Variants in VTI1A observed in about 807,000 individuals in gnomAD.
The protein encoded by VTI1A is vesicle transport through interaction with t-SNAREs homolog 1A.
A neutral mutation model predicts 34.9 loss-of-function variants in VTI1A; 22 were observed. The observed-to-expected ratio is 0.63, with a 90% CI of 0.45 to 0.90. VTI1A has a LOEUF of 0.90. VTI1A is among the 40% of genes least tolerant of loss of function. The pLI, the probability that VTI1A is intolerant of heterozygous loss-of-function variation, is 0.00. For missense variants in VTI1A, 268 were observed against 275.6 expected (o/e 0.97, Z 0.20); for synonymous variants, 87 against 97.3 (o/e 0.89, Z 0.62).
chr10:112,704,979 C>T (rs928757352), intron 7 of VTI1A, among the ~76,000 whole-genome samples: 1 of 152,096 alleles, frequency 6.6e-6, no homozygotes, highest in Non-Finnish European at 1.5e-5. Flanking sequence ...GCCTGCAATT[C>T]CTGGGCTCAA....
At chr10:112,538,096 A>G (rs1402507601) in intron 4 of VTI1A, 150 bp from the exon 5 acceptor site, 6 of 634,724 alleles carry the variant, frequency 9.5e-6, no homozygotes, top group Non-Finnish European at 1.4e-5. Context: ...AGTGGTTCCT[A>G]TAATGGAAAA....
At chr10:112,785,956 T>A (rs917280336) in intron 7 of VTI1A, among the ~76,000 whole-genome samples, 2 of 152,186 alleles carry the variant, frequency 1.3e-5, no homozygotes, top group Non-Finnish European at 2.9e-5. Flanking sequence ...CTAGTTCTAG[T>A]TGTTTCATTT....
At chr10:112,814,300 G>T (rs568803021) in intron 7 of VTI1A, among the ~76,000 whole-genome samples, 1 of 152,282 alleles carries the variant, frequency 6.6e-6, no homozygotes. Context: ...AGGGTTGGAT[G>T]GGGTTTGCCG....
chr10:112,751,727 C>T (rs930921924), intron 7 of VTI1A, among the ~76,000 whole-genome samples: 5 of 152,128 alleles, frequency 3.3e-5, no homozygotes, highest in African/African-American at 1.2e-4. Context: ...TAGTACTCTA[C>T]TAGAGATTAC....
intron 7 of VTI1A, among the ~76,000 whole-genome samples, chr10:112,739,035 G>A (rs952591147): frequency 1.3e-5 from 2 of 152,148 alleles, no homozygotes; most frequent in Non-Finnish European, 2.9e-5. Flanking sequence ...AATCAGACAA[G>A]GCAGGTGGAA....
At chr10:112,829,632 T>TGG in the VTI1A span, among the ~76,000 whole-genome samples, 1 of 151,656 alleles carries the variant, frequency 6.6e-6, no homozygotes, top group East Asian at 1.9e-4. Context: ...CAGGCACCTG[T>TGG]AGTCCTGGCT....
At chr10:112,583,267 G>A (rs935139929) in intron 5 of VTI1A, among the ~76,000 whole-genome samples, 37 of 152,068 alleles carry the variant, frequency 2.4e-4, no homozygotes, top group African/African-American at 7.5e-4. Flanking sequence ...TTTTAAGCCC[G>A]GATAACAACT....
chr10:112,797,232 G>A (rs1852704127), intron 7 of VTI1A, among the ~76,000 whole-genome samples: 1 of 152,064 alleles, frequency 6.6e-6, no homozygotes, highest in Non-Finnish European at 1.5e-5. Flanking sequence ...TCTCAGAAAT[G>A]GCCTCAGCTA....
chr10:112,835,392 G>A, the VTI1A span, among the ~76,000 whole-genome samples: 4 of 152,150 alleles, frequency 2.6e-5, no homozygotes, highest in East Asian at 3.9e-4. Context: ...GCCTATCTGG[G>A]GGGCCTTCGA....
intron 5 of VTI1A, among the ~76,000 whole-genome samples, chr10:112,591,181 G>A (rs1479931996): frequency 1.3e-5 from 2 of 152,114 alleles, no homozygotes; most frequent in Non-Finnish European, 2.9e-5. Context: ...AGCAAGCAAA[G>A]CTCAGGAATT....
chr10:112,585,121 C>G (rs1172926343), intron 5 of VTI1A, among the ~76,000 whole-genome samples: 1 of 152,046 alleles, frequency 6.6e-6, no homozygotes, highest in African/African-American at 2.4e-5. Flanking sequence ...GGGAACCATC[C>G]CAGTTTTAAT....
chr10:112,513,440 C>T (rs1024609765), intron 3 of VTI1A, among the ~76,000 whole-genome samples: 4 of 151,666 alleles, frequency 2.6e-5, no homozygotes, highest in African/African-American at 7.3e-5. Context: ...TTTTTGGTGG[C>T]ATCTTTAGGG....
chr10:112,801,498 G>C (rs1343298626), intron 7 of VTI1A, among the ~76,000 whole-genome samples: 1 of 152,154 alleles, frequency 6.6e-6, no homozygotes, highest in Admixed American at 6.5e-5. Context: ...GAAACTCAAG[G>C]ACCCGTAGTC....
intron 5 of VTI1A, chr10:112,548,742 A>G: frequency 7.0e-7 from 1 of 1,419,152 alleles, no homozygotes; most frequent in Admixed American, 1.8e-5. Flanking sequence ...TCACGAAGGG[A>G]CCCAGAGATG....
At chr10:112,748,597 T>G (rs1415620233) in intron 7 of VTI1A, among the ~76,000 whole-genome samples, 1 of 129,344 alleles carries the variant, frequency 7.7e-6, no homozygotes, top group East Asian at 2.0e-4. Flanking sequence ...CTGTTACTCT[T>G]TTTTTTTTTT....
chr10:112,554,914 T>C (rs1287696130), intron 5 of VTI1A, among the ~76,000 whole-genome samples: 1 of 152,144 alleles, frequency 6.6e-6, no homozygotes, highest in East Asian at 1.9e-4. Context: ...AAGTATTCGA[T>C]GTATATGGGG....
chr10:112,532,543 C>T (rs578259179), intron 4 of VTI1A, among the ~76,000 whole-genome samples: 1 of 152,070 alleles, frequency 6.6e-6, no homozygotes, highest in South Asian at 2.1e-4. Context: ...CACACCCACA[C>T]GTACACACAA....
chr10:112,727,230 A>C (rs952957672), intron 7 of VTI1A, among the ~76,000 whole-genome samples: 23 of 152,194 alleles, frequency 1.5e-4, no homozygotes, highest in African/African-American at 5.3e-4. Context: ...AAGCAACAAC[A>C]TGAAACCCAG....
Position 112,615,766 on chromosome 10 carries a change from G to A in VTI1A, c.428-52452G>A, listed in dbSNP as rs147140976. The stretch of plus-strand genomic sequence containing the variant: ...TAAGAATTAAGTAGGCAAAGGGCAT[G>A]GGGAAGGGTGGGAGATGGGAATAGC... On this transcript the variant is annotated intron_variant, in intron 5 of 7. Transcript: ENST00000393077. Among the ~76,000 whole-genome samples, 1,103 of 152,260 alleles carry A rather than the reference G, an allele frequency of 7.2e-3. 13 individuals are homozygous for A. Among genetic ancestry groups the A allele is most frequent in the African/African-American group, 0.024 (1,008 of 41,520 alleles).
Sources: allele counts gnomAD v4.1 joint callset (sites outside exome capture counted in the v4.1 genomes callset), GRCh38; gene constraint gnomAD v4.1.1; transcripts MANE v1.5; gene names NCBI Gene and HGNC (gene_info 2026-07-23, HGNC 2026-07-21).